Variants in IGSF5 observed in about 807,000 individuals in gnomAD.
IGSF5 encodes the protein immunoglobulin superfamily 5 like.
In IGSF5, 41 loss-of-function variants were observed where a neutral mutation model predicts 39.4. The observed-to-expected ratio is 1.04, with a 90% confidence interval of 0.81 to 1.35. The LOEUF (loss-of-function observed/expected upper bound fraction) is 1.35, where lower values mean the gene tolerates loss of function less well. Among genes scored for constraint, IGSF5 ranks in the 40% most tolerant of loss-of-function variants. The probability of loss-of-function intolerance (pLI) is 0.00; values close to 1 mark genes in which losing one functional copy is unlikely to be tolerated. For synonymous variants in IGSF5, 183 were observed against 175.3 expected (o/e 1.04, Z -0.34); for missense variants, 487 against 494.6 (o/e 0.98, Z 0.15).
the IGSF5 span, among the ~76,000 whole-genome samples, chr21:39,711,937 C>T: frequency 3.3e-5 from 5 of 152,124 alleles, no homozygotes; most frequent in African/African-American, 7.2e-5. Context: ...GTCAGGGAGG[C>T]AGTCCCAGCT....
intron 6 of IGSF5, among the ~76,000 whole-genome samples, chr21:39,790,237 A>G (rs1601141483): frequency 6.6e-6 from 1 of 152,224 alleles, no homozygotes. Flanking sequence ...AGACTGATCC[A>G]TACCGTGGCA....
the IGSF5 span, among the ~76,000 whole-genome samples, chr21:39,724,249 A>G: frequency 6.6e-6 from 1 of 152,184 alleles, no homozygotes; most frequent in African/African-American, 2.4e-5. Flanking sequence ...TGGTGCAACA[A>G]TGTACCCAGC....
the IGSF5 span, among the ~76,000 whole-genome samples, chr21:39,726,327 G>A: frequency 2.0e-5 from 3 of 152,188 alleles, no homozygotes; most frequent in African/African-American, 7.2e-5. Flanking sequence ...ACCTCTAGTG[G>A]AGGCCTGGGA....
intron 8 of IGSF5, among the ~76,000 whole-genome samples, chr21:39,800,916 G>A (rs1215889574): frequency 6.6e-6 from 1 of 152,168 alleles, no homozygotes; most frequent in Non-Finnish European, 1.5e-5. Flanking sequence ...CGCTCTTTAA[G>A]AAGTTTAGAA....
chr21:39,763,411 T>C (rs2837183), intron 2 of IGSF5, among the ~76,000 whole-genome samples: 58,933 of 151,982 alleles, frequency 0.39, 11,755 homozygotes, highest in Admixed American at 0.51. Context: ...CAAATCAAGG[T>C]CAAGAAGTTT....
In IGSF5 at chr21:39,788,163, G is replaced by T. The variant is rs376931297; in HGVS notation, c.935-4G>T. On this transcript the variant is annotated splice_region_variant and splice_polypyrimidine_tract_variant and intron_variant, in intron 5 of 8. Coordinates refer to ENST00000380588, the MANE Select transcript of IGSF5 (RefSeq NM_001080444.2). Reference sequence around the variant, plus strand: ...TTCCAATGTAATTTTGTTCTTTTTTGCAGGATTTCGTATTCAATTTCAAAA... The same window carrying T: ...TTCCAATGTAATTTTGTTCTTTTTTTCAGGATTTCGTATTCAATTTCAAAA... 4.7e-5 allele frequency: 75 copies of T among 1,588,606 alleles called. No homozygotes were observed. The highest frequency in any genetic ancestry group is 6.2e-5 in the Non-Finnish European group (72 of 1,162,870).
At chr21:39,723,339 A>G in the IGSF5 span, among the ~76,000 whole-genome samples, 22 of 152,314 alleles carry the variant, frequency 1.4e-4, no homozygotes, top group Non-Finnish European at 3.1e-4. Flanking sequence ...GGTGTCTCCA[A>G]CATGACTATG....
At chr21:39,767,908 C>T (rs1480369137) in intron 3 of IGSF5, among the ~76,000 whole-genome samples, 5 of 152,226 alleles carry the variant, frequency 3.3e-5, no homozygotes, top group Non-Finnish European at 7.4e-5. Flanking sequence ...AATGGGAAAG[C>T]AAGAGAGGAG....
intron 6 of IGSF5, chr21:39,791,617 C>G (rs2086965818): frequency 6.1e-6 from 1 of 164,938 alleles, no homozygotes; most frequent in African/African-American, 2.4e-5. Context: ...GTTTAGGTAG[C>G]CATAGACAAT....
intron 5 of IGSF5, among the ~76,000 whole-genome samples, chr21:39,780,831 T>C (rs1291575390): frequency 6.6e-5 from 10 of 152,236 alleles, no homozygotes; most frequent in Non-Finnish European, 1.5e-5. Context: ...TCCAGGACTT[T>C]CCATGTGCTG....
In IGSF5 at chr21:39,771,112, GA is replaced by G. The variant is rs1198511681; in HGVS notation, c.616del (p.Thr206ProfsTer8). ...AAAGTGCAGTGAGCATCCTGGCTCT[GA>G]CCCCACAGAGCAATGGGACTTTGAC... Reference protein sequence around the residue: ...LQSAVSILALTPQSNGTLTCV... With the variant: ...LQSAVSILALXPQSNGTLTCV... On this transcript the variant is annotated frameshift_variant, in exon 4 of 9. Transcript: ENST00000380588. LOFTEE classifies it high-confidence loss of function. The G allele has an allele frequency of 4.3e-6, 7 of 1,613,144 alleles. No homozygotes were observed. Among genetic ancestry groups the G allele is most frequent in the Non-Finnish European group, 5.9e-6 (7 of 1,179,562 alleles).
At chr21:39,725,471 C>T in the IGSF5 span, among the ~76,000 whole-genome samples, 1 of 152,184 alleles carries the variant, frequency 6.6e-6, no homozygotes, top group East Asian at 1.9e-4. Context: ...GCAGCAGGGC[C>T]TCTTTCTTCT....
At chr21:39,740,329 C>T (rs1453048026), upstream of IGSF5, among the ~76,000 whole-genome samples, 1 of 152,106 alleles carries the variant, frequency 6.6e-6, no homozygotes, top group Non-Finnish European at 1.5e-5. Flanking sequence ...GTAAGACTGC[C>T]ACCTCTTTAG....
At chr21:39,789,310 G>A (rs2086946602) in intron 6 of IGSF5, among the ~76,000 whole-genome samples, 1 of 152,196 alleles carries the variant, frequency 6.6e-6, no homozygotes, top group South Asian at 2.1e-4. Flanking sequence ...ATGACACTGG[G>A]AGCATGAGAA....
intron 3 of IGSF5, among the ~76,000 whole-genome samples, chr21:39,767,633 G>T (rs2080093371): frequency 6.6e-6 from 1 of 152,184 alleles, no homozygotes; most frequent in Non-Finnish European, 1.5e-5. Flanking sequence ...GCATGCCATT[G>T]TGTTGGTTAT....
chr21:39,729,346 G>A, the IGSF5 span: 3 of 152,262 alleles, frequency 2.0e-5, no homozygotes, highest in South Asian at 2.1e-4. Context: ...CCATGACCAT[G>A]CCTAGATTCA....
intron 8 of IGSF5, among the ~76,000 whole-genome samples, chr21:39,795,598 G>C (rs1185982182): frequency 6.6e-6 from 1 of 151,554 alleles, no homozygotes; most frequent in Admixed American, 6.6e-5. Context: ...TACCTGAGTG[G>C]AGAATGACGT....
chr21:39,753,103 T>G (rs1333101930), intron 2 of IGSF5, among the ~76,000 whole-genome samples: 1 of 152,208 alleles, frequency 6.6e-6, no homozygotes, highest in African/African-American at 2.4e-5. Context: ...GATGCCATTT[T>G]CTAGAATTCT....
intron 5 of IGSF5, among the ~76,000 whole-genome samples, chr21:39,783,045 C>A (rs1601137477): frequency 6.6e-6 from 1 of 152,106 alleles, no homozygotes; most frequent in East Asian, 1.9e-4. Flanking sequence ...CATCCATGTG[C>A]TGTGGATTTC....
Sources: allele counts gnomAD v4.1 joint callset (sites outside exome capture counted in the v4.1 genomes callset), GRCh38; gene constraint gnomAD v4.1.1; transcripts MANE v1.5; gene names NCBI Gene and HGNC (gene_info 2026-07-23, HGNC 2026-07-21).